TMEM108: variants seen among roughly 807,000 people sequenced by gnomAD.
TMEM108 encodes transmembrane protein 108.
In TMEM108, 12 loss-of-function variants were observed where a neutral mutation model predicts 35.1. The ratio of observed to expected loss-of-function variants is 0.34; its 90% CI spans 0.22 to 0.55. The LOEUF (loss-of-function observed/expected upper bound fraction) is 0.55. Among genes scored for constraint, TMEM108 ranks in the 20% least tolerant of loss-of-function variants. The pLI, the probability that TMEM108 is intolerant of heterozygous loss-of-function variation, is 0.89. For missense variants in TMEM108, 680 were observed against 753.3 expected (o/e 0.90, Z 1.14); for synonymous variants, 287 against 308.6 (o/e 0.93, Z 0.73).
At chr3:133,164,121 G>A (rs113816478) in intron 2 of TMEM108, among the ~76,000 whole-genome samples, 3,173 of 151,388 alleles carry the variant, frequency 0.021, 99 homozygotes, top group African/African-American at 0.073. Context: ...TCAATTTATA[G>A]AATAGTTGTC....
chr3:133,066,594 C>T (rs35288993), intron 2 of TMEM108, among the ~76,000 whole-genome samples: 11,100 of 152,172 alleles, frequency 0.073, 497 homozygotes, highest in East Asian at 0.17. Context: ...ACGTGATATC[C>T]TTAGTATAGG....
At chr3:133,259,786 A>G (rs112432581) in intron 3 of TMEM108, among the ~76,000 whole-genome samples, 1,543 of 152,258 alleles carry the variant, frequency 0.01, 23 homozygotes, top group African/African-American at 0.034. Context: ...TATGGGTGTG[A>G]TTCTTAAAAA....
At chr3:133,316,908 C>T (rs1337531580) in intron 3 of TMEM108, among the ~76,000 whole-genome samples, 1 of 152,132 alleles carries the variant, frequency 6.6e-6, no homozygotes, top group East Asian at 1.9e-4. Context: ...GAATACCAAG[C>T]CAGAAGATAG....
At chr3:133,194,680 G>A (rs1400404424) in intron 2 of TMEM108, among the ~76,000 whole-genome samples, 3 of 151,914 alleles carry the variant, frequency 2.0e-5, no homozygotes, top group Non-Finnish European at 2.9e-5. Context: ...ACACAACATG[G>A]GTTGGGACCA....
rs1351943292 is a variant in TMEM108, at chr3:133,227,101, A to T, written c.-46-2165A>T. ...TTCCCACAACATGTGGGAATTCAAG[A>T]TGAGATTTGGGTGGGGACATGGCCA... On this transcript the variant is annotated intron_variant, in intron 2 of 5. Transcript: ENST00000321871. Among the ~76,000 whole-genome samples the T allele has an allele frequency of 2.6e-5, 4 of 151,988 alleles. No homozygotes were observed. The East Asian group carries it at 7.7e-4, about 29-fold the overall frequency.
At chr3:133,328,241 G>A (rs571802961) in intron 3 of TMEM108, among the ~76,000 whole-genome samples, 36 of 152,230 alleles carry the variant, frequency 2.4e-4, no homozygotes, top group African/African-American at 8.7e-4. Flanking sequence ...TTAGGACAAC[G>A]GTGTGTGCCT....
chr3:133,154,701 G>A (rs1944852516), intron 2 of TMEM108, among the ~76,000 whole-genome samples: 1 of 151,932 alleles, frequency 6.6e-6, no homozygotes, highest in African/African-American at 2.4e-5. Flanking sequence ...TCACACACTG[G>A]GGACTGTTGT....
At chr3:133,138,769 T>G (rs553076196) in intron 2 of TMEM108, among the ~76,000 whole-genome samples, 1 of 150,622 alleles carries the variant, frequency 6.6e-6, no homozygotes, top group Non-Finnish European at 1.5e-5. Context: ...CTCTGTTGAT[T>G]TTTTTTTTTA....
chr3:133,225,256 C>T (rs923486854), intron 2 of TMEM108, among the ~76,000 whole-genome samples: 6 of 152,076 alleles, frequency 3.9e-5, no homozygotes, highest in African/African-American at 1.4e-4. Flanking sequence ...TCGTGTTAGC[C>T]AGGATGGTCT....
At chr3:133,248,867 A>G (rs1946424101) in intron 3 of TMEM108, among the ~76,000 whole-genome samples, 1 of 152,200 alleles carries the variant, frequency 6.6e-6, no homozygotes, top group South Asian at 2.1e-4. Flanking sequence ...TCTGGCTTCT[A>G]ATATACATCC....
chr3:133,109,737 A>G (rs961225634), intron 2 of TMEM108, among the ~76,000 whole-genome samples: 3 of 152,222 alleles, frequency 2.0e-5, no homozygotes, highest in Non-Finnish European at 2.9e-5. Flanking sequence ...GCATGCGTTG[A>G]CAGTGAGTAA....
chr3:133,047,221 T>C (rs529976198), intron 2 of TMEM108, among the ~76,000 whole-genome samples: 1 of 152,298 alleles, frequency 6.6e-6, no homozygotes, highest in East Asian at 1.9e-4. Context: ...GAGCTGGTCT[T>C]TTCTAGATTT....
chr3:133,352,766 G>C (rs1365440729), intron 3 of TMEM108, among the ~76,000 whole-genome samples: 1 of 152,182 alleles, frequency 6.6e-6, no homozygotes, highest in Non-Finnish European at 1.5e-5. Flanking sequence ...TCCTAGCACT[G>C]TTATGTGTTC....
chr3:133,236,990 C>G (rs1946246634), intron 3 of TMEM108, among the ~76,000 whole-genome samples: 1 of 152,092 alleles, frequency 6.6e-6, no homozygotes, highest in Non-Finnish European at 1.5e-5. Flanking sequence ...GCTCCTCCCT[C>G]CTTAGCTGTC....
chr3:133,369,554 C>T (rs1559932818), intron 3 of TMEM108, among the ~76,000 whole-genome samples: 1 of 152,164 alleles, frequency 6.6e-6, no homozygotes, highest in Non-Finnish European at 1.5e-5. Flanking sequence ...ACTGTATGTT[C>T]AGGTTGTTGT....
intron 3 of TMEM108, among the ~76,000 whole-genome samples, chr3:133,341,139 C>G (rs367562311): frequency 6.6e-6 from 1 of 151,578 alleles, no homozygotes; most frequent in Non-Finnish European, 1.5e-5. Context: ...CAGATGATAT[C>G]CTATATTTGG....
intron 3 of TMEM108, chr3:133,378,456 G>C: frequency 1.0e-6 from 1 of 985,468 alleles, no homozygotes. Flanking sequence ...ATTAGACGCA[G>C]ACAGAGATCT....
intron 2 of TMEM108, among the ~76,000 whole-genome samples, chr3:133,068,735 G>A (rs1187877015): frequency 6.6e-6 from 1 of 152,150 alleles, no homozygotes; most frequent in Non-Finnish European, 1.5e-5. Context: ...TTACCTGTGA[G>A]GATATAAAGT....
intron 3 of TMEM108, among the ~76,000 whole-genome samples, chr3:133,376,594 T>C (rs929725893): frequency 7.2e-5 from 11 of 152,138 alleles, no homozygotes; most frequent in Admixed American, 6.5e-4. Flanking sequence ...CAGCCCTTGA[T>C]CAGTGAATAT....
Sources: allele counts gnomAD v4.1 joint callset (sites outside exome capture counted in the v4.1 genomes callset), GRCh38; gene constraint gnomAD v4.1.1; transcripts MANE v1.5; gene names NCBI Gene and HGNC (gene_info 2026-07-23, HGNC 2026-07-21).